Variants in STK31 observed in about 807,000 individuals in gnomAD.
STK31 encodes the protein serine/threonine kinase 31.
In STK31, 89 loss-of-function variants were observed where a neutral mutation model predicts 129.7. That is an observed-to-expected ratio of 0.69 (90% confidence interval 0.58 to 0.82). The LOEUF (loss-of-function observed/expected upper bound fraction) is 0.82. STK31 is among the 40% of genes least tolerant of loss of function. The probability of loss-of-function intolerance (pLI) is 0.00; values close to 1 mark genes in which losing one functional copy is unlikely to be tolerated. For missense variants in STK31, 1,187 were observed against 1,176.4 expected (o/e 1.01, Z -0.13); for synonymous variants, 448 against 395.3 (o/e 1.13, Z -1.58).
chr7:23,788,991 A>G (rs1227820355), intron 21 of STK31, among the ~76,000 whole-genome samples: 1 of 152,164 alleles, frequency 6.6e-6, no homozygotes, highest in Non-Finnish European at 1.5e-5. Context: ...CCTGGAAACT[A>G]CGAATACACT....
chr7:23,751,630 T>C (rs1788711588), intron 8 of STK31, among the ~76,000 whole-genome samples: 3 of 152,226 alleles, frequency 2.0e-5, no homozygotes, highest in Admixed American at 2.0e-4. Flanking sequence ...TCTCTACTTA[T>C]TCAATCAACT....
At chr7:23,827,205 T>C (rs1453996428) in intron 23 of STK31, among the ~76,000 whole-genome samples, 1 of 152,226 alleles carries the variant, frequency 6.6e-6, no homozygotes, top group East Asian at 1.9e-4. Flanking sequence ...CCAACTTGGT[T>C]CCATTCTCTT....
intron 8 of STK31, among the ~76,000 whole-genome samples, chr7:23,750,071 C>A (rs955176849): frequency 2.6e-5 from 3 of 117,354 alleles, no homozygotes; most frequent in Non-Finnish European, 5.7e-5. Flanking sequence ...TTTGTTTCCC[C>A]CCCCGCCACT....
intron 1 of STK31, 71 bp from the exon 2 acceptor site, chr7:23,712,028 C>T: frequency 8.0e-7 from 1 of 1,255,124 alleles, no homozygotes; most frequent in Non-Finnish European, 1.1e-6. Flanking sequence ...AAGAATTGAA[C>T]ATGATGTAGT....
intron 9 of STK31, 74 bp downstream of exon 9, chr7:23,752,906 G>T (rs1788805140): frequency 2.1e-6 from 2 of 975,068 alleles, no homozygotes; most frequent in Admixed American, 2.4e-5. Context: ...TTTAAATTGT[G>T]TGCTTGCCAT....
chr7:23,817,476 G>C (rs1432867838), intron 23 of STK31, among the ~76,000 whole-genome samples: 2 of 152,318 alleles, frequency 1.3e-5, no homozygotes, highest in African/African-American at 4.8e-5. Flanking sequence ...AGTTATTAGT[G>C]CTGGGAATGG....
chr7:23,724,122 C>T (rs1386340189), intron 4 of STK31, among the ~76,000 whole-genome samples: 1 of 152,124 alleles, frequency 6.6e-6, no homozygotes, highest in Non-Finnish European at 1.5e-5. Flanking sequence ...AGCAAGGTAC[C>T]AGGTGCAGGG....
At chr7:23,727,472 G>A (rs1187154702) in intron 5 of STK31, 157 bp downstream of exon 5, 1 of 514,750 alleles carries the variant, frequency 1.9e-6, no homozygotes, top group Non-Finnish European at 3.5e-6. Flanking sequence ...AAAACATGTT[G>A]TTTTATAATC....
At chr7:23,730,856 T>TTATATATA (rs201160478) in intron 6 of STK31, among the ~76,000 whole-genome samples, 9 of 75,238 alleles carry the variant, frequency 1.2e-4, no homozygotes, top group Non-Finnish European at 1.7e-4. Context: ...ATATAAACAT[T>TTATATATA]TATATATATA....
intron 8 of STK31, among the ~76,000 whole-genome samples, chr7:23,746,360 G>C (rs1788354549): frequency 6.6e-6 from 1 of 152,164 alleles, no homozygotes; most frequent in Non-Finnish European, 1.5e-5. Context: ...TGAGGAGCCT[G>C]TCCAGGCTCC....
At chr7:23,798,338 G>A (rs1251047301) in intron 22 of STK31, among the ~76,000 whole-genome samples, 2 of 152,036 alleles carry the variant, frequency 1.3e-5, no homozygotes, top group East Asian at 3.9e-4. Context: ...GAACATTGAT[G>A]CAAAAATCCT....
intron 22 of STK31, among the ~76,000 whole-genome samples, chr7:23,810,929 G>T (rs1793092111): frequency 9.6e-6 from 1 of 103,724 alleles, no homozygotes; most frequent in African/African-American, 3.8e-5. Context: ...GTATATATGT[G>T]TGTGTGTATA....
intron 4 of STK31, among the ~76,000 whole-genome samples, chr7:23,725,559 A>G (rs1184143725): frequency 6.6e-6 from 1 of 152,008 alleles, no homozygotes. Context: ...AGTAGTTATC[A>G]GCCTGCAGTG....
At chr7:23,790,341 G>A (rs1791545671) in intron 21 of STK31, among the ~76,000 whole-genome samples, 1 of 152,138 alleles carries the variant, frequency 6.6e-6, no homozygotes, top group Non-Finnish European at 1.5e-5. Flanking sequence ...AAATAGGAGA[G>A]TGGGGAATTG....
intron 8 of STK31, among the ~76,000 whole-genome samples, chr7:23,741,914 G>T (rs1371023270): frequency 6.6e-6 from 1 of 152,208 alleles, no homozygotes; most frequent in Non-Finnish European, 1.5e-5. Flanking sequence ...TCAGGCCAAA[G>T]TTGGGCCACA....
At chr7:23,790,993 G>A (rs1791582435) in intron 22 of STK31, 47 bp downstream of exon 22, 3 of 1,286,606 alleles carry the variant, frequency 2.3e-6, no homozygotes, top group Non-Finnish European at 3.0e-6. Flanking sequence ...ATATATTTCA[G>A]TATATAAAGT....
intron 6 of STK31, among the ~76,000 whole-genome samples, chr7:23,729,750 T>C (rs1263746104): frequency 6.6e-6 from 1 of 150,738 alleles, no homozygotes; most frequent in Non-Finnish European, 1.5e-5. Context: ...CCCCAGGTGA[T>C]CCACCCACCT....
intron 8 of STK31, among the ~76,000 whole-genome samples, chr7:23,739,513 A>G (rs1400072417): frequency 6.6e-6 from 1 of 151,964 alleles, no homozygotes; most frequent in African/African-American, 2.4e-5. Context: ...TCTTGTTCCC[A>G]TTGCTTTTGG....
intron 23 of STK31, among the ~76,000 whole-genome samples, chr7:23,824,469 A>C (rs1430686037): frequency 6.6e-6 from 1 of 152,210 alleles, no homozygotes; most frequent in Non-Finnish European, 1.5e-5. Context: ...ACTTTGCTGA[A>C]GTTGCTTATC....
Sources: allele counts gnomAD v4.1 joint callset (sites outside exome capture counted in the v4.1 genomes callset), GRCh38; gene constraint gnomAD v4.1.1; transcripts MANE v1.5; gene names NCBI Gene and HGNC (gene_info 2026-07-23, HGNC 2026-07-21).